Variants in IGF2BP3 observed in about 807,000 individuals in gnomAD.
The protein encoded by IGF2BP3 is insulin-like growth factor 2 mRNA-binding protein 3.
Under a neutral mutation model 73.8 loss-of-function variants are expected in IGF2BP3, and 9 were observed. That is an observed-to-expected ratio of 0.12 (90% CI 0.07 to 0.21). IGF2BP3 has a LOEUF of 0.21. IGF2BP3 is among the 10% of genes least tolerant of loss of function. The probability of loss-of-function intolerance (pLI) is 1.00; values close to 1 mark genes in which losing one functional copy is unlikely to be tolerated. For synonymous variants in IGF2BP3, 258 were observed against 256.7 expected (o/e 1.01, Z -0.05); for missense variants, 542 against 714.0 (o/e 0.76, Z 2.75).
At chr7:23,449,313 C>T (rs549138156) in intron 2 of IGF2BP3, among the ~76,000 whole-genome samples, 5 of 151,762 alleles carry the variant, frequency 3.3e-5, no homozygotes, top group South Asian at 4.2e-4. Context: ...GTCAAGAGAT[C>T]GCGACCATCC....
At chr7:23,425,362 T>C (rs1476397606) in intron 2 of IGF2BP3, among the ~76,000 whole-genome samples, 1 of 152,190 alleles carries the variant, frequency 6.6e-6, no homozygotes, top group Non-Finnish European at 1.5e-5. Flanking sequence ...AATTGTTTAC[T>C]ACATAGAATT....
At chr7:23,383,525 G>A (rs961043027) in intron 3 of IGF2BP3, among the ~76,000 whole-genome samples, 7 of 152,114 alleles carry the variant, frequency 4.6e-5, no homozygotes, top group South Asian at 2.1e-4. Flanking sequence ...ATCTTATACC[G>A]CTGGCAAGAA....
intron 2 of IGF2BP3, among the ~76,000 whole-genome samples, chr7:23,463,042 A>T (rs549764087): frequency 1.3e-5 from 2 of 152,298 alleles, no homozygotes; most frequent in African/African-American, 4.8e-5. Flanking sequence ...CTCCTGTCTT[A>T]TGACTCTGGA....
At chr7:23,364,232 G>A (rs1381011480) in intron 3 of IGF2BP3, among the ~76,000 whole-genome samples, 1 of 151,962 alleles carries the variant, frequency 6.6e-6, no homozygotes, top group Non-Finnish European at 1.5e-5. Context: ...AAATTAGTTG[G>A]GCACGGTGGT....
At chr7:23,339,784 A>C (rs1026740616) in intron 10 of IGF2BP3, among the ~76,000 whole-genome samples, 3 of 152,194 alleles carry the variant, frequency 2.0e-5, no homozygotes, top group Non-Finnish European at 4.4e-5. Context: ...TCACATGATC[A>C]GCTCATTGTA....
chr7:23,361,383 T>C (rs1172680917), intron 5 of IGF2BP3, 151 bp downstream of exon 5: 1 of 598,852 alleles, frequency 1.7e-6, no homozygotes, highest in Non-Finnish European at 2.9e-6. Context: ...CATTCAAACT[T>C]AAAAAGAAAG....
chr7:23,408,600 C>G (rs1425206104), intron 3 of IGF2BP3, among the ~76,000 whole-genome samples: 3 of 152,106 alleles, frequency 2.0e-5, no homozygotes, highest in Non-Finnish European at 4.4e-5. Flanking sequence ...AATGGCAATT[C>G]CTGAAATAAT....
chr7:23,449,554 CTTTTTTTTTTTT>C (rs376571131), intron 2 of IGF2BP3, among the ~76,000 whole-genome samples: 1 of 106,962 alleles, frequency 9.3e-6, no homozygotes, highest in Non-Finnish European at 1.9e-5. Context: ...TTTTCTTTTT[CTTTTTTTTTTTT>C]TTTTTTTTTT....
chr7:23,402,922 C>A (rs1306805139), intron 3 of IGF2BP3, among the ~76,000 whole-genome samples: 2 of 152,098 alleles, frequency 1.3e-5, no homozygotes, highest in Non-Finnish European at 2.9e-5. Flanking sequence ...ATCTGTGGAT[C>A]TTTTGGGATT....
In IGF2BP3 at chr7:23,332,551, C is replaced by T. The variant is rs180908460; in HGVS notation, c.1203+9513G>A. On this transcript the variant is annotated intron_variant, in intron 10 of 14. Transcript: ENST00000258729. Reference sequence around the variant, plus strand: ...ATTATGTGGAGATTTGTGTTAGGGGCCTGTCCTGCACAGCTTGGCCAGATC... The same window carrying T: ...ATTATGTGGAGATTTGTGTTAGGGGTCTGTCCTGCACAGCTTGGCCAGATC... 8.3e-4 allele frequency among the ~76,000 whole-genome samples: 126 copies of T among 152,290 alleles called. 1 individual carries two copies. The highest frequency in any genetic ancestry group is 3.0e-3 in the African/African-American group (126 of 41,566).
At chr7:23,344,970 C>T (rs893004344) in intron 8 of IGF2BP3, among the ~76,000 whole-genome samples, 6 of 152,180 alleles carry the variant, frequency 3.9e-5, no homozygotes, top group Non-Finnish European at 8.8e-5. Context: ...TTAAAACTCT[C>T]CCCTTTCTGG....
chr7:23,331,998 G>T (rs1784458081), intron 10 of IGF2BP3, among the ~76,000 whole-genome samples: 1 of 151,786 alleles, frequency 6.6e-6, no homozygotes, highest in Non-Finnish European at 1.5e-5. Context: ...GAGAGAGAGA[G>T]TAAGGGATGG....
At chr7:23,319,751 T>C (rs1387324397) in intron 10 of IGF2BP3, among the ~76,000 whole-genome samples, 1 of 152,224 alleles carries the variant, frequency 6.6e-6, no homozygotes, top group Non-Finnish European at 1.5e-5. Flanking sequence ...AAGCTGAATT[T>C]TGTTACATAT....
At chr7:23,406,355 G>T (rs776785745) in intron 3 of IGF2BP3, among the ~76,000 whole-genome samples, 1 of 152,138 alleles carries the variant, frequency 6.6e-6, no homozygotes, top group Non-Finnish European at 1.5e-5. Context: ...ATCAAATTGT[G>T]TCCGGAATTG....
chr7:23,449,119 CTT>C (rs57456266), intron 2 of IGF2BP3, among the ~76,000 whole-genome samples: 37 of 148,668 alleles, frequency 2.5e-4, no homozygotes, highest in Admixed American at 6.0e-4. Context: ...GATTTATTAT[CTT>C]TTTTTTTTTT....
At chr7:23,368,584 G>A (rs916310306) in intron 3 of IGF2BP3, among the ~76,000 whole-genome samples, 4 of 152,082 alleles carry the variant, frequency 2.6e-5, no homozygotes, top group Non-Finnish European at 5.9e-5. Flanking sequence ...CTAAAAATGT[G>A]GTGATGGTTG....
At chr7:23,407,888 C>T (rs1415806212) in intron 3 of IGF2BP3, among the ~76,000 whole-genome samples, 1 of 127,740 alleles carries the variant, frequency 7.8e-6, no homozygotes, top group Admixed American at 1.1e-4. Context: ...GAATAAAATA[C>T]CACAATAAAG....
chr7:23,439,002 T>C (rs562917785), intron 2 of IGF2BP3, among the ~76,000 whole-genome samples: 1 of 151,990 alleles, frequency 6.6e-6, no homozygotes, highest in Non-Finnish European at 1.5e-5. Flanking sequence ...TCCTAACATT[T>C]TGGGAGGCTG....
At chr7:23,343,665 ATTGTT>A in intron 9 of IGF2BP3, 48 bp downstream of exon 9, 1 of 1,505,800 alleles carries the variant, frequency 6.6e-7, no homozygotes, top group Non-Finnish European at 9.2e-7. Context: ...AGTTAAAAAC[ATTGTT>A]TTAACTATTT....
Sources: gnomAD v4.1 joint callset for allele counts (sites outside exome capture counted in the v4.1 genomes callset) on GRCh38, gnomAD v4.1.1 for gene constraint, MANE v1.5 for transcripts, NCBI Gene and HGNC (gene_info 2026-07-23, HGNC 2026-07-21) for gene names.